Variants in CCM2 observed in about 807,000 individuals in gnomAD.
CCM2 encodes cerebral cavernous malformations 2 protein.
CCM2 carries 25 observed loss-of-function variants against 44.9 expected under a neutral mutation model. That is an observed-to-expected ratio of 0.56 (90% confidence interval 0.41 to 0.78). The LOEUF (loss-of-function observed/expected upper bound fraction) is 0.78. Ranked by LOEUF, CCM2 falls within the 30% of genes least tolerant of loss-of-function variation. The probability of loss-of-function intolerance (pLI) is 0.00; values close to 1 mark genes in which losing one functional copy is unlikely to be tolerated. For synonymous variants in CCM2, 219 were observed against 241.1 expected (o/e 0.91, Z 0.85); for missense variants, 481 against 580.6 (o/e 0.83, Z 1.76).
In CCM2 at chr7:45,076,306, C is replaced by T; in HGVS notation, c.*249C>T. 1.5e-6 allele frequency: 1 copy of T among 676,624 alleles called. No homozygotes were observed. Among genetic ancestry groups the T allele is most frequent in the South Asian group, 1.5e-5 (1 of 66,486 alleles). The allele number at this position is 676,624 out of a possible 1,614,324, so 41.9% of individuals were successfully genotyped here. A position where few individuals can be genotyped will look rare whatever the true frequency, so the allele number is the denominator to read the frequency against. The stretch of plus-strand genomic sequence containing the variant: ...GGCTCAGCCAAGCCCTGCAGTGTGT[C>T]CCCGCTCGGGGAGGGCCCGGCCGAG... On this transcript the variant is annotated 3_prime_UTR_variant, in exon 10 of 10. Transcript: ENST00000258781.
chr7:45,073,630 TG>T lies in CCM2; in HGVS notation c.915+65del. The stretch of plus-strand genomic sequence containing the variant: ...GAGGGAGGGGGTGCCCCAGGGAGGA[TG>T]GGGGGAAGGGGAGGAGGAGGAGGAG... On this transcript the variant is annotated intron_variant, in intron 8 of 9. Transcript: ENST00000258781. 7.2e-6 allele frequency: 7 copies of T among 976,034 alleles called. No individual in the cohort carries two copies. The Admixed American group carries it at 7.9e-5, about 11-fold the overall frequency. The allele number at this position is 976,034 out of a possible 1,614,324, so 60.5% of individuals were successfully genotyped here. A position where few individuals can be genotyped will look rare whatever the true frequency, so the allele number is the denominator to read the frequency against.
rs1473328557 is a variant in CCM2 at position 45,024,444 on chromosome 7, C to T, written c.31-13809C>T. Among the ~76,000 whole-genome samples the T allele has an allele frequency of 2.2e-5, 3 of 134,862 alleles. No individual in the cohort carries two copies. The South Asian group carries it at 6.9e-4, about 31-fold the overall frequency. The allele number at this position is 134,862 out of a possible 152,430, so 88.5% of individuals were successfully genotyped here. ...GATTTTCCTTTGTTTGCTTGCTGAA[C>T]ACTGTCATTGTCACCCTGGGATTTC... On this transcript the variant is annotated intron_variant, in intron 1 of 9. Transcript: ENST00000258781.
chr7:45,024,128 T>C (rs961378574), intron 1 of CCM2, among the ~76,000 whole-genome samples: 9 of 152,166 alleles, frequency 5.9e-5, no homozygotes, highest in African/African-American at 2.2e-4. Flanking sequence ...CAGTTTTGAA[T>C]TTAGTTCTGG....
intron 2 of CCM2, among the ~76,000 whole-genome samples, chr7:45,062,265 C>T (rs1013779843): frequency 6.6e-6 from 1 of 152,068 alleles, no homozygotes; most frequent in Admixed American, 6.6e-5. Context: ...TAATGAACAA[C>T]TGAGAAATGT....
intron 6 of CCM2, 94 bp from the exon 7 acceptor site, chr7:45,072,632 G>C: frequency 1.0e-6 from 1 of 954,342 alleles, no homozygotes; most frequent in East Asian, 2.4e-5. Flanking sequence ...CAGGGCTGCC[G>C]CTGTCTCCTG....
chr7:45,065,205 G>T (rs1798715117), intron 4 of CCM2, among the ~76,000 whole-genome samples: 1 of 152,216 alleles, frequency 6.6e-6, no homozygotes, highest in African/African-American at 2.4e-5. Context: ...TGGCTGTGGT[G>T]AGTACAGTGC....
intron 2 of CCM2, among the ~76,000 whole-genome samples, chr7:45,061,163 T>C (rs1562904065): frequency 6.6e-6 from 1 of 152,200 alleles, no homozygotes; most frequent in African/African-American, 2.4e-5. Context: ...ATCCCTGTTA[T>C]TACACAGGGG....
At chr7:45,054,923 T>C (rs1360938557) in intron 2 of CCM2, among the ~76,000 whole-genome samples, 3 of 152,242 alleles carry the variant, frequency 2.0e-5, no homozygotes, top group Admixed American at 6.5e-5. Context: ...CCGTATCCTA[T>C]TCAGATATTA....
chr7:45,068,397 G>A (rs763666971), intron 4 of CCM2, 46 bp from the exon 5 acceptor site: 6 of 1,613,234 alleles, frequency 3.7e-6, no homozygotes, highest in East Asian at 2.2e-5. Context: ...GTGCCCCCAT[G>A]CCTGCCCTTC....
Position 45,057,949 on chromosome 7 carries a change from G to C in CCM2, c.205-5969G>C, listed in dbSNP as rs149904914. 2.6e-3 allele frequency among the ~76,000 whole-genome samples: 402 copies of C among 152,334 alleles called. 1 individual carries two copies. Among genetic ancestry groups the C allele is most frequent in the African/African-American group, 9.5e-3 (394 of 41,576 alleles). On this transcript the variant is annotated intron_variant, in intron 2 of 9. Transcript: ENST00000258781. ...ATCTGACTAAGCCCAAGATGAACTT[G>C]TATTTGCCACCGTGCCCTGAGTGTG... is the stretch of plus-strand genomic sequence containing the variant.
chr7:45,032,022 T>C (rs146196684), intron 1 of CCM2, among the ~76,000 whole-genome samples: 100 of 152,248 alleles, frequency 6.6e-4, no homozygotes, highest in African/African-American at 2.1e-3. Flanking sequence ...TGAGCAAACA[T>C]TACCTCTGAA....
intron 8 of CCM2, 157 bp from the exon 9 acceptor site, chr7:45,074,113 G>A: frequency 6.8e-7 from 1 of 1,480,480 alleles, no homozygotes; most frequent in Non-Finnish European, 9.0e-7. Flanking sequence ...GGTAGGATGG[G>A]GACACATTGT....
At chr7:45,030,690 C>T (rs1471233315) in intron 1 of CCM2, among the ~76,000 whole-genome samples, 1 of 152,162 alleles carries the variant, frequency 6.6e-6, no homozygotes, top group East Asian at 1.9e-4. Flanking sequence ...GTTGGAATTA[C>T]AGGTGTGAGC....
rs1040287200 is a variant in CCM2 at position 45,076,304 on chromosome 7, G to C, written c.*247G>C. ...AGGGCTCAGCCAAGCCCTGCAGTGT[G>C]TCCCCGCTCGGGGAGGGCCCGGCCG... On this transcript the variant is annotated 3_prime_UTR_variant, in exon 10 of 10. Coordinates refer to ENST00000258781, the MANE Select transcript of CCM2 (RefSeq NM_031443.4). The C allele has an allele frequency of 3.5e-5, 24 of 678,454 alleles. No individual in the cohort carries two copies. Among genetic ancestry groups the C allele is most frequent in the Non-Finnish European group, 5.9e-5 (22 of 373,994 alleles). The allele number at this position is 678,454 out of a possible 1,614,324, so 42.0% of individuals were successfully genotyped here.
chr7:45,076,068 A>AT lies in CCM2; in HGVS notation c.*12dup. The AT allele has an allele frequency of 6.2e-7, 1 of 1,612,754 alleles. No individual in the cohort carries two copies. The highest frequency in any genetic ancestry group is 8.5e-7 in the Non-Finnish European group (1 of 1,179,998). On this transcript the variant is annotated 3_prime_UTR_variant, in exon 10 of 10. Transcript: ENST00000258781. ...CAGGACTCAGCATGATGGACAGTGGATGGGGGGGCACCCACACCTTCCGCG... is the reference window on the plus strand; with the variant it reads ...CAGGACTCAGCATGATGGACAGTGGATTGGGGGGGCACCCACACCTTCCGCG...
chr7:45,045,271 C>T (rs978310574), intron 2 of CCM2, among the ~76,000 whole-genome samples: 3 of 152,148 alleles, frequency 2.0e-5, no homozygotes, highest in African/African-American at 7.2e-5. Flanking sequence ...TGCTATTGTG[C>T]ATGGGAACTT....
intron 1 of CCM2, chr7:45,029,589 AT>A (rs1412241939): frequency 6.6e-6 from 1 of 152,212 alleles, no homozygotes; most frequent in Non-Finnish European, 1.5e-5. Context: ...CTTTTAGTGG[AT>A]TCATTTCTCC....
intron 2 of CCM2, among the ~76,000 whole-genome samples, chr7:45,052,905 T>C (rs1798078356): frequency 6.6e-6 from 1 of 152,202 alleles, no homozygotes; most frequent in Non-Finnish European, 1.5e-5. Flanking sequence ...AAATGGCCTT[T>C]TCTACTTATA....
At chr7:45,043,424 C>T (rs1287174999) in intron 2 of CCM2, among the ~76,000 whole-genome samples, 2 of 152,120 alleles carry the variant, frequency 1.3e-5, no homozygotes, top group South Asian at 2.1e-4. Flanking sequence ...AAAAATTATA[C>T]CTACTGTGGC....
Sources: allele counts gnomAD v4.1 joint callset (sites outside exome capture counted in the v4.1 genomes callset), GRCh38; gene constraint gnomAD v4.1.1; transcripts MANE v1.5; gene names NCBI Gene and HGNC (gene_info 2026-07-23, HGNC 2026-07-21).